The following SYNE1 variants were observed in gnomAD, a reference collection of about 807,000 sequenced individuals.
The protein encoded by SYNE1 is spectrin repeat containing nuclear envelope protein 1.
Under a neutral mutation model 1,111.0 loss-of-function variants are expected in SYNE1, and 616 were observed. The ratio of observed to expected loss-of-function variants is 0.55; its 90% CI spans 0.52 to 0.59. SYNE1 has a LOEUF of 0.59. Ranked by LOEUF, SYNE1 falls within the 20% of genes least tolerant of loss-of-function variation. SYNE1 has a pLI of 0.00. For missense variants in SYNE1, 10,006 were observed against 10,417.0 expected, an observed-to-expected ratio of 0.96 and a Z score of 1.72; for synonymous variants, 3,855 against 3,825.8, an observed-to-expected ratio of 1.01 and a Z score of -0.28.
At chr6:152,482,203 G>C (rs7744498) in intron 14 of SYNE1, among the ~76,000 whole-genome samples, 29,882 of 151,980 alleles carry the variant, frequency 0.2, 3,103 homozygotes, top group East Asian at 0.33. Flanking sequence ...CTGTGTCTCT[G>C]TATATCTAGC....
chr6:152,627,283 G>A (rs1222188800), intron 3 of SYNE1, among the ~76,000 whole-genome samples: 2 of 152,144 alleles, frequency 1.3e-5, no homozygotes, highest in Non-Finnish European at 2.9e-5. Flanking sequence ...AAACATAAAT[G>A]TAAAGAAAAT....
chr6:152,250,808 G>A (rs1408135763), intron 104 of SYNE1, among the ~76,000 whole-genome samples: 7 of 152,170 alleles, frequency 4.6e-5, no homozygotes, highest in Admixed American at 4.6e-4. Flanking sequence ...GCATTCACTT[G>A]AACAGAAGCC....
At chr6:152,507,910 A>T (rs540447373) in intron 8 of SYNE1, among the ~76,000 whole-genome samples, 1 of 152,318 alleles carries the variant, frequency 6.6e-6, no homozygotes, top group East Asian at 1.9e-4. Context: ...TTTATTTCTC[A>T]AATATTTTTA....
At chr6:152,450,960 T>A (rs1233737453) in intron 26 of SYNE1, 87 bp downstream of exon 26, 2 of 1,603,420 alleles carry the variant, frequency 1.2e-6, no homozygotes, top group East Asian at 2.2e-5. Flanking sequence ...CTATTATTTT[T>A]CAGACTCAAA....
At chr6:152,531,722 A>C (rs2099202884) in intron 4 of SYNE1, among the ~76,000 whole-genome samples, 1 of 152,148 alleles carries the variant, frequency 6.6e-6, no homozygotes, top group South Asian at 2.1e-4. Flanking sequence ...ACTACTCTGG[A>C]TACCTCTTAT....
At chr6:152,397,081 T>C (rs2097744326) in intron 49 of SYNE1, 101 bp from the exon 50 acceptor site, 2 of 1,247,376 alleles carry the variant, frequency 1.6e-6, no homozygotes, top group East Asian at 2.4e-5. Context: ...CAAAGGAAAA[T>C]GGCTTAACAA....
chr6:152,385,868 A>C, intron 54 of SYNE1, 30 bp from the exon 55 acceptor site: 1 of 1,612,320 alleles, frequency 6.2e-7, no homozygotes, highest in Non-Finnish European at 8.5e-7. Flanking sequence ...CTACCTTAAC[A>C]GTGGTCCTTT....
chr6:152,349,486 C>T (rs1339319027), intron 72 of SYNE1, among the ~76,000 whole-genome samples: 1 of 152,196 alleles, frequency 6.6e-6, no homozygotes, highest in East Asian at 1.9e-4. Flanking sequence ...AGCCTAGAAT[C>T]CAGACTTTCT....
rs532911105 is a variant in SYNE1 at position 152,471,607 on chromosome 6, T to C, written c.1622A>G (p.Gln541Arg). 2.3e-5 allele frequency: 37 copies of C among 1,613,912 alleles called. No homozygotes were observed. In the African/African-American group the frequency reaches 4.7e-4, roughly 20 times the overall value. Reference sequence around the variant, plus strand: ...GCACGGGGGACTCACCACGTAGTTTTGTAGAAGCTGCTCCACTGACTCTCT... The same window carrying C: ...GCACGGGGGACTCACCACGTAGTTTCGTAGAAGCTGCTCCACTGACTCTCT... ...GRRESVEQLL[Q>R]NYVSFIENSK... is the part of the protein sequence containing the mutation. Residue 541 changes from glutamine to arginine, a missense_variant, in exon 16 of 146, where the codon CAA becomes CGA. By Grantham distance (43) the Gln-to-Arg change is conservative. Coordinates refer to ENST00000367255, the MANE Select transcript of SYNE1 (RefSeq NM_182961.4).
intron 65 of SYNE1, 26 bp downstream of exon 65, chr6:152,359,289 T>A (rs780583282): frequency 6.2e-7 from 1 of 1,613,008 alleles, no homozygotes; most frequent in East Asian, 2.2e-5. Context: ...TTTTGGTGAG[T>A]CTACAAGGAA....
chr6:152,203,870 T>G (rs1210010438), intron 126 of SYNE1, among the ~76,000 whole-genome samples: 1 of 152,188 alleles, frequency 6.6e-6, no homozygotes, highest in African/African-American at 2.4e-5. Context: ...AAAAATTGTC[T>G]ATCAGGGACA....
chr6:152,161,039 G>C (rs1223447668), intron 131 of SYNE1, among the ~76,000 whole-genome samples: 1 of 151,174 alleles, frequency 6.6e-6, no homozygotes, highest in Non-Finnish European at 1.5e-5. Context: ...AAAAATAGGA[G>C]AGAAATATAG....
At chr6:152,563,131 CT>C (rs1406402959) in intron 3 of SYNE1, among the ~76,000 whole-genome samples, 3 of 151,756 alleles carry the variant, frequency 2.0e-5, no homozygotes, top group Admixed American at 6.6e-5. Flanking sequence ...AAAATAGTAC[CT>C]TTTATCATAC....
chr6:152,507,245 A>C (rs2099062732), intron 8 of SYNE1, among the ~76,000 whole-genome samples: 1 of 152,174 alleles, frequency 6.6e-6, no homozygotes, highest in Non-Finnish European at 1.5e-5. Flanking sequence ...ACCTCAAATT[A>C]GTTTTTAACA....
rs763067012 is a variant in SYNE1, at chr6:152,336,877, C to A, written c.12492G>T (p.Glu4164Asp). 3 of 1,614,088 alleles carry A rather than the reference C, an allele frequency of 1.9e-6. No homozygotes were observed. In the Admixed American group the frequency reaches 5.0e-5, roughly 27 times the overall value. The stretch of plus-strand genomic sequence containing the variant: ...AAACCATGTTCTGTGCAATGTTCAG[C>A]TCCAGCTCAGAGTGCCTCCTCTTCA... ...QNMKRRHSEL[E>D]LNIAQNMVSQ... The change falls in exon 76 of 146, where the codon GAG becomes GAT. Residue 4164 changes from glutamate (E) to aspartate (D), a missense_variant. Around this residue, in one of 7 missense-constraint regions of SYNE1, gnomAD observed 4,955 missense variants for 5,017.2 expected, o/e 0.99. Transcript: ENST00000367255.
Position 152,396,890 on chromosome 6 carries a change from T to A in SYNE1, c.7441A>T (p.Ile2481Phe). 1 of 1,614,230 alleles carries A rather than the reference T, an allele frequency of 6.2e-7. No homozygotes were observed. The highest frequency in any genetic ancestry group is 8.5e-7 in the Non-Finnish European group (1 of 1,180,036). Residue 2481 changes from isoleucine to phenylalanine, a missense_variant, in exon 50 of 146, where the codon ATT becomes TTT. Ile to Phe is a conservative substitution (Grantham distance 21). Transcript: ENST00000367255. ...ATTTGTTCTTGAATGCTACTGACAA[T>A]TTGTTTAGACAAATGTGCATACAAA... ...QTLYAHLSKQ[I>F]VSSIQEQITK...
intron 3 of SYNE1, among the ~76,000 whole-genome samples, chr6:152,561,876 G>C (rs1234106213): frequency 6.6e-6 from 1 of 152,128 alleles, no homozygotes; most frequent in Non-Finnish European, 1.5e-5. Context: ...AGTGAAACTG[G>C]ATCCTTATTT....
chr6:152,403,179 CCTG>C lies in SYNE1; in HGVS notation c.6825+1031_6825+1033del, dbSNP rs1371925806. Among the ~76,000 whole-genome samples the C allele has an allele frequency of 2.6e-5, 4 of 152,104 alleles. No homozygotes were observed. In the East Asian group the frequency reaches 7.7e-4, roughly 29 times the overall value. ...GGAAGCTAAAGGGATGCAGCAGAAACCTGAGCCTGGAGCCAGTGGGGCTGCCAG... is the reference window on the plus strand; with the variant it reads ...GGAAGCTAAAGGGATGCAGCAGAAACAGCCTGGAGCCAGTGGGGCTGCCAG... On this transcript the variant is annotated intron_variant, in intron 46 of 145. Coordinates refer to ENST00000367255, the MANE Select transcript of SYNE1 (RefSeq NM_182961.4).
intron 130 of SYNE1, 117 bp from the exon 131 acceptor site, chr6:152,164,442 T>C: frequency 4.1e-6 from 5 of 1,232,380 alleles, no homozygotes; most frequent in Non-Finnish European, 4.6e-6. Flanking sequence ...TAGAAACTCA[T>C]GTGGAAGAAG....
Sources: allele counts gnomAD v4.1 joint callset (sites outside exome capture counted in the v4.1 genomes callset), GRCh38; gene constraint gnomAD v4.1.1; regional missense constraint gnomAD v4.1.1; transcripts MANE v1.5; gene names NCBI Gene and HGNC (gene_info 2026-07-23, HGNC 2026-07-21).